CA10: variants seen among roughly 807,000 people sequenced by gnomAD.
CA10 encodes the protein carbonic anhydrase 10 (inactive).
In CA10, 14 loss-of-function variants were observed where a neutral mutation model predicts 44.2. That is an observed-to-expected ratio of 0.32 (90% CI 0.21 to 0.50). The LOEUF is 0.50. CA10 is among the 20% of genes least tolerant of loss of function. The probability of loss-of-function intolerance (pLI) is 0.99; values close to 1 mark genes in which losing one functional copy is unlikely to be tolerated. For synonymous variants in CA10, 159 were observed against 141.6 expected (o/e 1.12, Z -0.87); for missense variants, 350 against 409.7 (o/e 0.85, Z 1.26).
At chr17:51,772,130 C>T (rs978876145) in intron 3 of CA10, among the ~76,000 whole-genome samples, 1 of 152,188 alleles carries the variant, frequency 6.6e-6, no homozygotes, top group African/African-American at 2.4e-5. Flanking sequence ...TCACTTTCCT[C>T]ATCTGTATAT....
At chr17:51,775,398 G>A (rs543330509) in intron 3 of CA10, among the ~76,000 whole-genome samples, 3 of 152,120 alleles carry the variant, frequency 2.0e-5, no homozygotes, top group African/African-American at 7.2e-5. Flanking sequence ...TAAAGCTAAC[G>A]TTTTGGCTTT....
At chr17:52,102,558 G>A (rs1428327186) in intron 1 of CA10, among the ~76,000 whole-genome samples, 1 of 152,132 alleles carries the variant, frequency 6.6e-6, no homozygotes, top group Non-Finnish European at 1.5e-5. Context: ...ATCTAACACA[G>A]AGTTATGTAA....
At chr17:52,132,708 A>G (rs1003323798) in intron 1 of CA10, among the ~76,000 whole-genome samples, 17 of 152,186 alleles carry the variant, frequency 1.1e-4, no homozygotes, top group African/African-American at 3.9e-4. Context: ...TTCTAGAAAC[A>G]AATTTAGGGA....
intron 3 of CA10, among the ~76,000 whole-genome samples, chr17:51,765,729 GTGTGTGCA>G (rs992910864): frequency 1.1e-4 from 16 of 149,738 alleles, no homozygotes; most frequent in African/African-American, 4.0e-4. Context: ...GTGTGTATGT[GTGTGTGCA>G]TGCATGTGTT....
chr17:51,729,507 T>A (rs1434225081), intron 4 of CA10, among the ~76,000 whole-genome samples: 1 of 152,350 alleles, frequency 6.6e-6, no homozygotes. Context: ...TAACTGGGCA[T>A]GCTTGAAAAG....
chr17:52,021,088 C>T lies in CA10; in HGVS notation c.136+51231G>A, dbSNP rs1055594962. 4.6e-5 allele frequency among the ~76,000 whole-genome samples: 7 copies of T among 151,744 alleles called. No individual in the cohort carries two copies. In the East Asian group the frequency reaches 1.4e-3, roughly 30 times the overall value. ...TCGAGGTTGATTCCATATAACAAAC[C>T]TACTCATGTACCCCCTGAATCTAAA... On this transcript the variant is annotated intron_variant, in intron 2 of 8. Coordinates refer to ENST00000451037, the MANE Select transcript of CA10 (RefSeq NM_020178.5).
chr17:51,865,746 A>T (rs1598089091), intron 3 of CA10, among the ~76,000 whole-genome samples: 1 of 152,240 alleles, frequency 6.6e-6, no homozygotes, highest in East Asian at 1.9e-4. Flanking sequence ...CTTTAAATCC[A>T]TGCCTGAGAG....
At chr17:51,974,386 T>TAA (rs199608195) in intron 2 of CA10, among the ~76,000 whole-genome samples, 4 of 40,228 alleles carry the variant, frequency 9.9e-5, no homozygotes, top group African/African-American at 1.5e-4. Context: ...CCATCTCATT[T>TAA]AAAAAAAAAA....
rs57353983 is a variant in CA10, at chr17:52,103,289, T to C, written c.62-30896A>G. ...CACCTGTGGTTAGATAATTAAGGCT[T>C]TTCAGTGACCACAAGCTCTGGCACT... is the stretch of plus-strand genomic sequence containing the variant. On this transcript the variant is annotated intron_variant, in intron 1 of 8. Transcript: ENST00000451037. Among the ~76,000 whole-genome samples the C allele has an allele frequency of 8.9e-4, 136 of 152,302 alleles. 2 individuals are homozygous for C. In the East Asian group the frequency reaches 0.019, roughly 21 times the overall value.
chr17:51,766,394 G>A (rs1281205301), intron 3 of CA10, among the ~76,000 whole-genome samples: 1 of 152,186 alleles, frequency 6.6e-6, no homozygotes, highest in African/African-American at 2.4e-5. Flanking sequence ...AACCAGGTGG[G>A]AAATACTGGT....
intron 3 of CA10, among the ~76,000 whole-genome samples, chr17:51,820,245 C>T (rs1907719401): frequency 1.5e-5 from 2 of 132,138 alleles, no homozygotes; most frequent in South Asian, 5.0e-4. Context: ...TTGTTTGCAC[C>T]TACACAATTT....
At chr17:51,827,672 C>G (rs967999857) in intron 3 of CA10, among the ~76,000 whole-genome samples, 7 of 152,208 alleles carry the variant, frequency 4.6e-5, no homozygotes, top group African/African-American at 1.7e-4. Flanking sequence ...GTAATCGTTA[C>G]TAGTCCCATC....
At chr17:51,992,865 C>A (rs1357593251) in intron 2 of CA10, among the ~76,000 whole-genome samples, 1 of 152,112 alleles carries the variant, frequency 6.6e-6, no homozygotes, top group Admixed American at 6.6e-5. Flanking sequence ...TATAACCCAA[C>A]TTGCTGTTTC....
chr17:52,103,074 A>G (rs1198693832), intron 1 of CA10, among the ~76,000 whole-genome samples: 1 of 152,078 alleles, frequency 6.6e-6, no homozygotes, highest in Non-Finnish European at 1.5e-5. Flanking sequence ...GGTAATCATG[A>G]GAATAACCTG....
chr17:52,017,412 A>T (rs902286971), intron 2 of CA10, among the ~76,000 whole-genome samples: 1 of 152,114 alleles, frequency 6.6e-6, no homozygotes, highest in South Asian at 2.1e-4. Context: ...TGAGGAAGTT[A>T]TTGGGATCTG....
intron 1 of CA10, among the ~76,000 whole-genome samples, chr17:52,152,399 G>C (rs1989722175): frequency 6.6e-6 from 1 of 151,990 alleles, no homozygotes; most frequent in African/African-American, 2.4e-5. Context: ...TGAATTTTTT[G>C]TTTCAGTTGG....
intron 4 of CA10, among the ~76,000 whole-genome samples, chr17:51,685,327 A>C (rs999912493): frequency 6.6e-5 from 10 of 152,158 alleles, no homozygotes; most frequent in African/African-American, 2.4e-5. Context: ...CTGGAAGGGA[A>C]GTCCCATAGG....
At chr17:52,157,544 A>G (rs1435423205) in intron 1 of CA10, among the ~76,000 whole-genome samples, 182 bp downstream of exon 1, 64 of 126,330 alleles carry the variant, frequency 5.1e-4, no homozygotes, top group Non-Finnish European at 9.2e-4. Context: ...CCCCCGCAAA[A>G]CACACACATT....
intron 1 of CA10, among the ~76,000 whole-genome samples, chr17:52,134,365 G>A (rs1031531487): frequency 1.3e-5 from 2 of 152,150 alleles, no homozygotes; most frequent in South Asian, 2.1e-4. Context: ...AGTTATGAGT[G>A]TACTTTCTAG....
Sources: allele counts gnomAD v4.1 joint callset (sites outside exome capture counted in the v4.1 genomes callset), GRCh38; gene constraint gnomAD v4.1.1; transcripts MANE v1.5; gene names NCBI Gene and HGNC (gene_info 2026-07-23, HGNC 2026-07-21).